The following ANKAR variants were observed in gnomAD, a reference collection of about 807,000 sequenced individuals.
The protein encoded by ANKAR is ankyrin and armadillo repeat-containing protein.
Under a neutral mutation model 146.2 loss-of-function variants are expected in ANKAR, and 136 were observed. The observed-to-expected ratio is 0.93, with a 90% CI of 0.81 to 1.07. The LOEUF is 1.07. ANKAR is among the 50% of genes least tolerant of loss of function. The pLI, the probability that ANKAR is intolerant of heterozygous loss-of-function variation, is 0.00. For missense variants in ANKAR, 1,567 were observed against 1,679.9 expected (o/e 0.93, Z 1.18); for synonymous variants, 500 against 575.8 (o/e 0.87, Z 1.88).
downstream of ANKAR, among the ~76,000 whole-genome samples, chr2:189,749,983 C>T (rs377696134): frequency 2.2e-4 from 33 of 152,116 alleles, no homozygotes; most frequent in African/African-American, 7.2e-4. Context: ...ATTAGCCAGA[C>T]GTGGTGGTGG....
chr2:189,721,052 A>G (rs916337808), intron 12 of ANKAR, among the ~76,000 whole-genome samples: 4 of 152,164 alleles, frequency 2.6e-5, no homozygotes, highest in African/African-American at 9.7e-5. Context: ...CAGTGGTGTG[A>G]TGTCAGCTCA....
At chr2:189,729,557 ACT>A (rs1334431117) in intron 15 of ANKAR, among the ~76,000 whole-genome samples, 2 of 151,934 alleles carry the variant, frequency 1.3e-5, no homozygotes, top group African/African-American at 4.8e-5. Flanking sequence ...TTGGCCAGAG[ACT>A]CTGACATAAA....
chr2:189,736,159 G>A (rs1229988995), intron 17 of ANKAR, among the ~76,000 whole-genome samples: 1 of 152,148 alleles, frequency 6.6e-6, no homozygotes, highest in African/African-American at 2.4e-5. Context: ...TGGCATGGTG[G>A]GAGCAGTCAA....
Position 189,728,358 on chromosome 2 carries a change from A to G in ANKAR, c.2969A>G (p.Gln990Arg). 1 of 1,613,324 alleles carries G rather than the reference A, an allele frequency of 6.2e-7. No individual in the cohort carries two copies. Among genetic ancestry groups the G allele is most frequent in the Non-Finnish European group, 8.5e-7 (1 of 1,179,768 alleles). The change falls in exon 14 of 23, where the codon CAA becomes CGA. Residue 990 changes from glutamine to arginine, a missense_variant. Coordinates refer to ENST00000684021, the MANE Select transcript of ANKAR (RefSeq NM_001378068.1). ...AAACAACAAAAATATATGGCAGAAC[A>G]AATTGGATACAGCTTTATAATAAAT... ...TLKQQKYMAE[Q>R]IGYSFIINML...
chr2:189,762,135 A>G (rs1229305950), downstream of ANKAR, among the ~76,000 whole-genome samples: 1 of 142,148 alleles, frequency 7.0e-6, no homozygotes, highest in Non-Finnish European at 1.6e-5. Flanking sequence ...GTTAACATAA[A>G]CACACACACG....
chr2:189,680,031 C>T (rs960084015), intron 2 of ANKAR, among the ~76,000 whole-genome samples: 3 of 152,166 alleles, frequency 2.0e-5, no homozygotes, highest in Non-Finnish European at 4.4e-5. Context: ...GATACCAGTT[C>T]TTCTTTGAAT....
intron 4 of ANKAR, 92 bp downstream of exon 4, chr2:189,692,510 C>G: frequency 9.2e-7 from 1 of 1,088,140 alleles, no homozygotes; most frequent in Middle Eastern, 2.2e-4. Context: ...TACAGGCACT[C>G]GACAGCTCTC....
intron 19 of ANKAR, among the ~76,000 whole-genome samples, chr2:189,740,433 G>T (rs552319617): frequency 6.6e-6 from 1 of 152,118 alleles, no homozygotes; most frequent in Non-Finnish European, 1.5e-5. Flanking sequence ...AAAAACTCAC[G>T]TCATATCTCA....
At chr2:189,747,944 C>G (rs1294178146), downstream of ANKAR, among the ~76,000 whole-genome samples, 1 of 152,134 alleles carries the variant, frequency 6.6e-6, no homozygotes, top group Non-Finnish European at 1.5e-5. Flanking sequence ...CCTTGGCCTC[C>G]CAAAGTGCTG....
chr2:189,714,790 CA>C (rs1282115190), intron 10 of ANKAR, among the ~76,000 whole-genome samples: 1 of 151,118 alleles, frequency 6.6e-6, no homozygotes, highest in African/African-American at 2.4e-5. Flanking sequence ...ACTAAAAGTA[CA>C]AAAAATTAGC....
At chr2:189,726,173 G>A (rs114618111) in intron 12 of ANKAR, among the ~76,000 whole-genome samples, 2,482 of 152,190 alleles carry the variant, frequency 0.016, 66 homozygotes, top group African/African-American at 0.057. Flanking sequence ...ATATTTACAT[G>A]GTCTTAAAGT....
rs1367147194 is a variant in ANKAR at position 189,676,816 on chromosome 2, T to C, written c.326T>C (p.Ile109Thr). Reference sequence around the variant, plus strand: ...CATCAAATGATAAGAGAGTTGGCTATTGGAATTTATTGCCTAAATCAAATC... The same window carrying C: ...CATCAAATGATAAGAGAGTTGGCTACTGGAATTTATTGCCTAAATCAAATC... Reference protein sequence around the residue: ...EVHQMIRELAIGIYCLNQIPS... With the variant: ...EVHQMIRELATGIYCLNQIPS... The change falls in exon 2 of 23, where the codon ATT (isoleucine) becomes ACT (threonine). Residue 109 changes from isoleucine (I) to threonine (T), a missense_variant. By Grantham distance (89) the Ile-to-Thr change is moderately conservative (BLOSUM62 -1). Transcript: ENST00000684021. 6.2e-7 allele frequency: 1 copy of C among 1,614,200 alleles called. No individual in the cohort carries two copies. Among genetic ancestry groups the C allele is most frequent in the Admixed American group, 1.7e-5 (1 of 60,034 alleles).
chr2:189,680,475 C>T (rs1209211217), intron 2 of ANKAR, among the ~76,000 whole-genome samples: 1 of 151,628 alleles, frequency 6.6e-6, no homozygotes, highest in Non-Finnish European at 1.5e-5. Flanking sequence ...TTTTCTTCTG[C>T]TTGGTTTGGG....
At chr2:189,722,338 C>CAAAAAAAA (rs10687526) in intron 12 of ANKAR, among the ~76,000 whole-genome samples, 3 of 128,436 alleles carry the variant, frequency 2.3e-5, no homozygotes, top group African/African-American at 9.0e-5. Flanking sequence ...GACTCCATCT[C>CAAAAAAAA]AAAAAAAAAA....
intron 10 of ANKAR, among the ~76,000 whole-genome samples, chr2:189,717,718 A>G (rs1266766107): frequency 6.6e-6 from 1 of 152,234 alleles, no homozygotes; most frequent in Non-Finnish European, 1.5e-5. Flanking sequence ...CTGGATTAAG[A>G]AAATGTGGCA....
chr2:189,707,284 G>A (rs1390024057), intron 9 of ANKAR, 138 bp downstream of exon 9: 1 of 432,430 alleles, frequency 2.3e-6, no homozygotes, highest in Non-Finnish European at 3.9e-6. Flanking sequence ...ATTTTATTAA[G>A]ACCAGAAATA....
rs767296937 is a variant in ANKAR, at chr2:189,695,134, T to G, written c.1461T>G (p.Leu487=). Residue 487 remains leucine, a synonymous_variant, in exon 6 of 23, where the codon CTT becomes CTG. Transcript: ENST00000684021. ...TACATGAACAATTTAAGAAAAAGCT[T>G]GGTTTCAAAAGAGCTATGAAATGCA... ...AQLHEQFKKK[L]GFKRAMKCKS... 2 of 1,606,870 alleles carry G rather than the reference T, an allele frequency of 1.2e-6. No individual in the cohort carries two copies. Among genetic ancestry groups the G allele is most frequent in the East Asian group, 4.5e-5 (2 of 44,732 alleles).
At chr2:189,761,221 T>C (rs1237793282), downstream of ANKAR, 1 of 405,062 alleles carries the variant, frequency 2.5e-6, no homozygotes, top group African/African-American at 2.1e-5. Context: ...GGCAACAGGA[T>C]TAGTTAAGGT....
chr2:189,730,369 C>A (rs1445793040), intron 15 of ANKAR, 126 bp from the exon 16 acceptor site: 2 of 450,898 alleles, frequency 4.4e-6, no homozygotes, highest in Non-Finnish European at 7.9e-6. Flanking sequence ...ATATAGCATA[C>A]CCCTTTGTAA....
Sources: gnomAD v4.1 joint callset for allele counts (sites outside exome capture counted in the v4.1 genomes callset) on GRCh38, gnomAD v4.1.1 for gene constraint, MANE v1.5 for transcripts, NCBI Gene and HGNC (gene_info 2026-07-23, HGNC 2026-07-21) for gene names.